FAAH2: variants seen among roughly 807,000 people sequenced by gnomAD.
FAAH2 encodes fatty-acid amide hydrolase 2.
FAAH2 carries 60 observed loss-of-function variants against 36.9 expected under a neutral mutation model. The observed-to-expected ratio is 1.63, with a 90% CI of 1.32 to 2.02. The LOEUF (loss-of-function observed/expected upper bound fraction) is 2.02. FAAH2 is among the 30% of genes most tolerant of loss of function. The pLI, the probability that FAAH2 is intolerant of heterozygous loss-of-function variation, is 0.00. For synonymous variants in FAAH2, 214 were observed against 143.8 expected (o/e 1.49, Z -3.49); for missense variants, 689 against 397.5 (o/e 1.73, Z -6.23).
chrX:57,160,934 T>C, the FAAH2 span, among the ~76,000 whole-genome samples: 1 of 112,191 alleles, frequency 8.9e-6, no homozygotes, highest in African/African-American at 3.2e-5. Context: ...CTTCTGTAGT[T>C]CTTTTAATTG....
At chrX:57,170,961 C>T in the FAAH2 span, among the ~76,000 whole-genome samples, 1 of 110,696 alleles carries the variant, frequency 9.0e-6, no homozygotes, top group Admixed American at 9.6e-5. Context: ...CTGCCCATGT[C>T]GGCTTTCCAA....
the FAAH2 span, among the ~76,000 whole-genome samples, chrX:57,245,606 CA>C: frequency 1.2e-4 from 13 of 112,225 alleles, no homozygotes; most frequent in African/African-American, 3.9e-4. Context: ...GGAAACTGAA[CA>C]ACCTGCTTCT....
Position 57,480,452 on chromosome X carries a change from T to C in FAAH2, c.1424-8305T>C, listed in dbSNP as rs189189203. ...GTTTGGTGGTGACAAAGTTTCTCAG[T>C]ATTTGTTTGTCTTTGAAAGATTTTA... On this transcript the variant is annotated intron_variant, in intron 10 of 10. Coordinates refer to ENST00000374900, the MANE Select transcript of FAAH2 (RefSeq NM_174912.4). Among the ~76,000 whole-genome samples, 5 of 111,930 alleles carry C rather than the reference T, an allele frequency of 4.5e-5. No homozygotes were observed. The East Asian group carries it at 1.4e-3, about 32-fold the overall frequency.
chrX:57,472,031 G>A (rs1466543221), intron 10 of FAAH2, among the ~76,000 whole-genome samples: 2 of 112,046 alleles, frequency 1.8e-5, no homozygotes, highest in African/African-American at 6.5e-5. Context: ...GGGAAAACTG[G>A]CTAGCCATAT....
At chrX:57,299,021 A>C (rs752052813) in intron 2 of FAAH2, among the ~76,000 whole-genome samples, 5 of 111,679 alleles carry the variant, frequency 4.5e-5, no homozygotes, top group Non-Finnish European at 9.4e-5. Context: ...ATTCTACCAG[A>C]GGTACAAGGA....
At chrX:57,420,807 A>T (rs1176319314) in intron 7 of FAAH2, among the ~76,000 whole-genome samples, 1 of 110,097 alleles carries the variant, frequency 9.1e-6, no homozygotes, top group Non-Finnish European at 1.9e-5. Context: ...CCAGTTTTCA[A>T]AGGGAATGCT....
At chrX:57,408,012 T>C (rs1322897092) in intron 7 of FAAH2, among the ~76,000 whole-genome samples, 1 of 111,801 alleles carries the variant, frequency 8.9e-6, no homozygotes, top group African/African-American at 3.2e-5. Context: ...GCAATGTGTC[T>C]GTTTTGATGC....
the FAAH2 span, among the ~76,000 whole-genome samples, chrX:57,151,119 C>CCA: frequency 8.9e-6 from 1 of 112,519 alleles, no homozygotes; most frequent in Non-Finnish European, 1.9e-5. Flanking sequence ...AGAGTTTCTG[C>CCA]TGAGAGATCC....
intron 10 of FAAH2, among the ~76,000 whole-genome samples, chrX:57,474,747 T>C (rs1189762301): frequency 8.9e-6 from 1 of 112,051 alleles, no homozygotes; most frequent in Non-Finnish European, 1.9e-5. Flanking sequence ...CTGGGTCAAA[T>C]GGTATTTCTG....
chrX:57,133,843 A>G, the FAAH2 span, among the ~76,000 whole-genome samples: 3,561 of 111,877 alleles, frequency 0.032, 154 homozygotes, highest in African/African-American at 0.11. Context: ...GCTACGGTGA[A>G]GTAGGCTTGC....
At chrX:57,248,082 A>G in the FAAH2 span, among the ~76,000 whole-genome samples, 19 of 112,305 alleles carry the variant, frequency 1.7e-4, no homozygotes, top group Non-Finnish European at 3.2e-4. Context: ...TGACATATTT[A>G]CTCACATGGA....
At chrX:57,247,732 C>T in the FAAH2 span, among the ~76,000 whole-genome samples, 41 of 112,031 alleles carry the variant, frequency 3.7e-4, 1 homozygote, top group African/African-American at 1.3e-3. Context: ...TAATACACAT[C>T]GCTTTCATTC....
the FAAH2 span, among the ~76,000 whole-genome samples, chrX:57,210,770 A>G: frequency 1.8e-5 from 2 of 112,662 alleles, no homozygotes; most frequent in African/African-American, 6.4e-5. Context: ...CAAGAAAAAG[A>G]AATGAAAGCC....
the FAAH2 span, among the ~76,000 whole-genome samples, chrX:57,268,515 C>A: frequency 9.0e-6 from 1 of 110,847 alleles, no homozygotes; most frequent in Non-Finnish European, 1.9e-5. Context: ...CAGTAACATG[C>A]TCCACAGAAA....
intron 8 of FAAH2, among the ~76,000 whole-genome samples, chrX:57,444,796 T>C (rs751029602): frequency 4.5e-5 from 5 of 112,154 alleles, no homozygotes; most frequent in Non-Finnish European, 9.4e-5. Flanking sequence ...TGAGAGATTC[T>C]CATGCATTTT....
chrX:57,421,432 G>A (rs778577595), intron 7 of FAAH2, among the ~76,000 whole-genome samples: 4 of 111,974 alleles, frequency 3.6e-5, no homozygotes, highest in African/African-American at 1.3e-4. Flanking sequence ...GGTTATTTAA[G>A]CAACAGAAAT....
the FAAH2 span, among the ~76,000 whole-genome samples, chrX:57,194,942 C>A: frequency 2.7e-5 from 3 of 111,185 alleles, no homozygotes; most frequent in South Asian, 3.7e-4. Flanking sequence ...CAGTAATATT[C>A]CATGGTGTGT....
At chrX:57,390,191 C>G (rs1474505441) in intron 7 of FAAH2, among the ~76,000 whole-genome samples, 1 of 111,579 alleles carries the variant, frequency 9.0e-6, no homozygotes, top group Non-Finnish European at 1.9e-5. Flanking sequence ...TTAGTTTGCT[C>G]TAAACCAATT....
At chrX:57,174,818 C>A in the FAAH2 span, among the ~76,000 whole-genome samples, 1 of 111,525 alleles carries the variant, frequency 9.0e-6, no homozygotes, top group African/African-American at 3.3e-5. Flanking sequence ...AAATTTCCAT[C>A]TTGATTTCAT....
Sources: allele counts gnomAD v4.1 joint callset (sites outside exome capture counted in the v4.1 genomes callset), GRCh38; gene constraint gnomAD v4.1.1; transcripts MANE v1.5; gene names NCBI Gene and HGNC (gene_info 2026-07-23, HGNC 2026-07-21).